ROR1: variants seen among roughly 807,000 people sequenced by gnomAD.
ROR1 encodes the protein inactive tyrosine-protein kinase transmembrane receptor ROR1.
Under a neutral mutation model 78.8 loss-of-function variants are expected in ROR1, and 19 were observed. The observed-to-expected ratio is 0.24, with a 90% CI of 0.17 to 0.35. ROR1 has a LOEUF of 0.35. Among genes scored for constraint, ROR1 ranks in the 10% least tolerant of loss-of-function variants. ROR1 has a pLI of 1.00. For missense variants in ROR1, 917 were observed against 1,177.8 expected (o/e 0.78, Z 3.24); for synonymous variants, 386 against 433.6 (o/e 0.89, Z 1.36).
chr1:63,941,073 T>C (rs1031625465), intron 1 of ROR1, among the ~76,000 whole-genome samples: 1 of 152,112 alleles, frequency 6.6e-6, no homozygotes. Context: ...GAGGAACTGT[T>C]CTAAGTTAAA....
intron 1 of ROR1, among the ~76,000 whole-genome samples, chr1:63,977,694 T>C (rs285340): frequency 0.86 from 130,923 of 152,124 alleles, 56,719 homozygotes; most frequent in East Asian, 0.99. Flanking sequence ...CCTTGCTTGT[T>C]CCTGTTTCAC....
intron 1 of ROR1, among the ~76,000 whole-genome samples, chr1:63,936,889 C>T (rs761384776): frequency 6.6e-6 from 1 of 152,112 alleles, no homozygotes; most frequent in Non-Finnish European, 1.5e-5. Context: ...TGATTTAGGC[C>T]TCTTCATATT....
At chr1:63,942,945 C>T (rs914742563) in intron 1 of ROR1, among the ~76,000 whole-genome samples, 3 of 151,912 alleles carry the variant, frequency 2.0e-5, no homozygotes, top group Admixed American at 2.0e-4. Context: ...ATAAAATTAG[C>T]CAGGCATGGT....
At chr1:64,154,846 G>A (rs1448157802) in intron 7 of ROR1, among the ~76,000 whole-genome samples, 1 of 152,122 alleles carries the variant, frequency 6.6e-6, no homozygotes, top group East Asian at 1.9e-4. Context: ...ATTTCCAGCC[G>A]ATTTTCTCTG....
intron 1 of ROR1, among the ~76,000 whole-genome samples, chr1:63,983,666 T>A (rs1405705973): frequency 2.0e-5 from 3 of 152,188 alleles, no homozygotes; most frequent in African/African-American, 7.2e-5. Context: ...TGACATCACA[T>A]CAGTTCACAG....
At chr1:63,796,624 T>C (rs1569725401) in intron 1 of ROR1, among the ~76,000 whole-genome samples, 2 of 152,250 alleles carry the variant, frequency 1.3e-5, no homozygotes, top group East Asian at 1.9e-4. Context: ...TTTAAAAGTT[T>C]GTACTTTGTG....
chr1:63,990,759 G>C (rs1646289334), intron 1 of ROR1, among the ~76,000 whole-genome samples: 1 of 151,968 alleles, frequency 6.6e-6, no homozygotes, highest in South Asian at 2.1e-4. Flanking sequence ...ATTAAAAAAA[G>C]GTAAAAGCCA....
chr1:64,087,387 G>A (rs1023759766), intron 4 of ROR1, among the ~76,000 whole-genome samples: 2 of 152,214 alleles, frequency 1.3e-5, no homozygotes, highest in African/African-American at 4.8e-5. Context: ...TGGCGATTGT[G>A]TTCTGCCAAT....
At chr1:63,843,295 G>C in intron 1 of ROR1, 1 of 1,364,544 alleles carries the variant, frequency 7.3e-7, no homozygotes, top group South Asian at 1.2e-5. Flanking sequence ...TGTAATTCAT[G>C]CTTGATCCCT....
chr1:63,891,053 G>A (rs1645392215), intron 1 of ROR1, among the ~76,000 whole-genome samples: 1 of 152,062 alleles, frequency 6.6e-6, no homozygotes, highest in African/African-American at 2.4e-5. Flanking sequence ...ATGTCACATG[G>A]GCTCACCATG....
intron 1 of ROR1, among the ~76,000 whole-genome samples, chr1:63,856,079 CTT>C (rs112104332): frequency 6.9e-6 from 1 of 145,844 alleles, no homozygotes; most frequent in Admixed American, 6.8e-5. Flanking sequence ...TTTTGATTGA[CTT>C]TTTTTTTTTT....
chr1:64,060,847 G>A (rs1271090201), intron 4 of ROR1, among the ~76,000 whole-genome samples: 1 of 152,194 alleles, frequency 6.6e-6, no homozygotes, highest in African/African-American at 2.4e-5. Flanking sequence ...AGAAGTTTGA[G>A]AAGCCAAGCT....
chr1:64,137,555 G>A, intron 5 of ROR1, 59 bp downstream of exon 5: 1 of 1,535,762 alleles, frequency 6.5e-7, no homozygotes, highest in South Asian at 1.2e-5. Flanking sequence ...CTCGCCAAAA[G>A]TTTTATTGAG....
intron 2 of ROR1, among the ~76,000 whole-genome samples, chr1:64,023,666 A>G (rs1646584133): frequency 6.6e-6 from 1 of 152,202 alleles, no homozygotes; most frequent in African/African-American, 2.4e-5. Flanking sequence ...TTTTTAATGC[A>G]TATATTTTTA....
chr1:64,132,079 C>G (rs1227857865), intron 4 of ROR1, among the ~76,000 whole-genome samples: 1 of 152,130 alleles, frequency 6.6e-6, no homozygotes, highest in African/African-American at 2.4e-5. Flanking sequence ...TGTCCCCAGC[C>G]CCTAGCAACC....
At chr1:63,797,664 G>A (rs906287599) in intron 1 of ROR1, among the ~76,000 whole-genome samples, 2 of 152,102 alleles carry the variant, frequency 1.3e-5, no homozygotes, top group African/African-American at 4.8e-5. Flanking sequence ...AAATGAACAC[G>A]GTTTTGAATA....
intron 1 of ROR1, among the ~76,000 whole-genome samples, chr1:63,884,108 G>A (rs1022393674): frequency 2.0e-5 from 3 of 152,168 alleles, no homozygotes; most frequent in African/African-American, 7.2e-5. Context: ...TGGCTTTGGT[G>A]CAGACAGAGT....
At chr1:63,997,198 G>A (rs937822071) in intron 1 of ROR1, among the ~76,000 whole-genome samples, 3 of 152,116 alleles carry the variant, frequency 2.0e-5, no homozygotes, top group Non-Finnish European at 2.9e-5. Context: ...ATGGCTGCAC[G>A]TTTTTAGGGC....
intron 1 of ROR1, among the ~76,000 whole-genome samples, chr1:63,830,784 C>T (rs2100298615): frequency 6.6e-6 from 1 of 152,306 alleles, no homozygotes; most frequent in Middle Eastern, 3.4e-3. Context: ...ACCCAAAAGT[C>T]CAAGTCCAAA....
Sources: allele counts gnomAD v4.1 joint callset (sites outside exome capture counted in the v4.1 genomes callset), GRCh38; gene constraint gnomAD v4.1.1; transcripts MANE v1.5; gene names NCBI Gene and HGNC (gene_info 2026-07-23, HGNC 2026-07-21).